Variants in EIF6 observed in about 807,000 individuals in gnomAD.
The protein encoded by EIF6 is B4 integrin interactor.
A neutral mutation model predicts 25.5 loss-of-function variants in EIF6; 10 were observed. The observed-to-expected ratio is 0.39, with a 90% CI of 0.24 to 0.66. The LOEUF (loss-of-function observed/expected upper bound fraction) is 0.66. Ranked by LOEUF, EIF6 falls within the 30% of genes least tolerant of loss-of-function variation. The probability of loss-of-function intolerance (pLI) is 0.45; values close to 1 mark genes in which losing one functional copy is unlikely to be tolerated. For synonymous variants in EIF6, 122 were observed against 122.6 expected (o/e 1.00, Z 0.03); for missense variants, 246 against 315.4 (o/e 0.78, Z 1.67).
chr20:35,284,056 G>A lies in EIF6; in HGVS notation c.193+120C>T, dbSNP rs556564570. ...GACGCTTGGCCTGAGAGATTCTATA[G>A]TGCCCAGAGATAACAGATGATACCC... On this transcript the variant is annotated intron_variant, in intron 3 of 6. Coordinates refer to ENST00000374450, the MANE Select transcript of EIF6 (RefSeq NM_002212.4). 3.9e-3 allele frequency: 4,945 copies of A among 1,280,166 alleles called. 14 individuals carry two copies. The highest frequency in any genetic ancestry group is 4.9e-3 in the Non-Finnish European group (4,593 of 937,142). 79.3% of individuals were successfully genotyped at this position (1,280,166 alleles called of 1,614,324 possible).
At chr20:35,281,147 G>A (rs1462242766) in intron 3 of EIF6, among the ~76,000 whole-genome samples, 1 of 152,184 alleles carries the variant, frequency 6.6e-6, no homozygotes, top group African/African-American at 2.4e-5. Context: ...TTGGGAGGCT[G>A]AGGTGGGCAG....
intron 3 of EIF6, among the ~76,000 whole-genome samples, chr20:35,283,151 G>A (rs954038018): frequency 8.5e-5 from 13 of 152,060 alleles, no homozygotes; most frequent in Admixed American, 2.6e-4. Flanking sequence ...AAAATTAGCC[G>A]GGTGTGGCGG....
In EIF6 at chr20:35,284,240, G is replaced by T. The variant is rs770214633; in HGVS notation, c.129C>A (p.Ser43=). The T allele has an allele frequency of 6.2e-7, 1 of 1,612,252 alleles. No homozygotes were observed. Among genetic ancestry groups the T allele is most frequent in the Admixed American group, 1.7e-5 (1 of 59,992 alleles). ...ACGCGTGCACCACGGGGATGGTATC[G>T]GAGAGCTCGCCCTCGAACACACTGT... The part of the protein sequence containing the change: ...NFYSVFEGEL[S]DTIPVVHASI... The change falls in exon 3 of 7, where the codon TCC becomes TCA. Residue 43 remains serine (S), a synonymous_variant. Transcript: ENST00000374450.
rs1339030981 is a variant in EIF6 at position 35,284,504 on chromosome 20, G to A, written c.-5-12C>T. 11 of 1,586,508 alleles carry A rather than the reference G, an allele frequency of 6.9e-6. No individual in the cohort carries two copies. The highest frequency in any genetic ancestry group is 5.6e-5 in the South Asian group (5 of 89,292). ...GACCGCCATGAGGCCTAGGGGCGGCGGAGGCGGGAGTTCAAGGCCGGCGGA... is the reference window on the plus strand; with the variant it reads ...GACCGCCATGAGGCCTAGGGGCGGCAGAGGCGGGAGTTCAAGGCCGGCGGA... On this transcript the variant is annotated splice_polypyrimidine_tract_variant and intron_variant, in intron 1 of 6. Transcript: ENST00000374450.
chr20:35,283,671 G>A (rs1361056741), intron 3 of EIF6, among the ~76,000 whole-genome samples: 1 of 152,042 alleles, frequency 6.6e-6, no homozygotes, highest in African/African-American at 2.4e-5. Context: ...GTGGTGGCAC[G>A]TGCCTGTGGC....
chr20:35,283,757 G>C (rs928535569), intron 3 of EIF6, among the ~76,000 whole-genome samples: 19 of 150,508 alleles, frequency 1.3e-4, no homozygotes, highest in African/African-American at 4.2e-4. Context: ...CTGTGATCTT[G>C]CCACTGCACT....
At chr20:35,283,340 C>T (rs1032654762) in intron 3 of EIF6, among the ~76,000 whole-genome samples, 8 of 152,034 alleles carry the variant, frequency 5.3e-5, no homozygotes, top group Non-Finnish European at 1.5e-5. Flanking sequence ...CCAGAATTAA[C>T]AGTGCTGACA....
chr20:35,284,090 C>G (rs533563451), intron 3 of EIF6, 86 bp downstream of exon 3: 1 of 1,475,292 alleles, frequency 6.8e-7, no homozygotes, highest in Admixed American at 2.1e-5. Context: ...CCTGGGAATC[C>G]CTAGGTCACT....
At position 35,279,034 on chromosome 20, in the gene EIF6, C is replaced by T. The variant is rs2060745113; in HGVS notation, c.*163G>A. ...GCAGGTTTTTGCAGTAATGATAGAT[C>T]CAGGCGATAAGCACAGGTGGAAAAG... On this transcript the variant is annotated 3_prime_UTR_variant, in exon 7 of 7. Coordinates refer to ENST00000374450, the MANE Select transcript of EIF6 (RefSeq NM_002212.4). 1 of 859,878 alleles carries T rather than the reference C, an allele frequency of 1.2e-6. No individual in the cohort carries two copies. The highest frequency in any genetic ancestry group is 2.7e-5 in the East Asian group (1 of 37,532). 53.3% of individuals were successfully genotyped at this position (859,878 alleles called of 1,614,324 possible).
rs1050685471 is a variant in EIF6, at chr20:35,284,118, G to A, written c.193+58C>T. 11 of 1,526,298 alleles carry A rather than the reference G, an allele frequency of 7.2e-6. No individual in the cohort carries two copies. In the African/African-American group the frequency reaches 1.1e-4, roughly 15 times the overall value. 94.5% of individuals were successfully genotyped at this position (1,526,298 alleles called of 1,614,324 possible). ...AGGTCACTCCGGGTTCCCTCCGGGG[G>A]TGTAATTAATGGTGCTTGGAGACCA... On this transcript the variant is annotated intron_variant, in intron 3 of 6. Transcript: ENST00000374450.
chr20:35,279,533 C>T (rs2060751607), intron 6 of EIF6, 33 bp downstream of exon 6: 2 of 1,610,222 alleles, frequency 1.2e-6, no homozygotes, highest in South Asian at 1.1e-5. Flanking sequence ...TAACCCCCAA[C>T]CCTGAGCAGA....
Position 35,283,518 on chromosome 20 carries a change from G to A in EIF6, c.193+658C>T, listed in dbSNP as rs185539990. Reference sequence around the variant, plus strand: ...AGGGAGAGATGAGATACAAATCCTCGGCTGGGTATAGTGGCTCTCGCCTAT... The same window carrying A: ...AGGGAGAGATGAGATACAAATCCTCAGCTGGGTATAGTGGCTCTCGCCTAT... On this transcript the variant is annotated intron_variant, in intron 3 of 6. Transcript: ENST00000374450. Among the ~76,000 whole-genome samples the A allele has an allele frequency of 2.2e-4, 34 of 152,292 alleles. No individual in the cohort carries two copies. In the East Asian group the frequency reaches 5.8e-3, roughly 26 times the overall value.
chr20:35,284,755 G>T lies in EIF6; in HGVS notation c.-35C>A, dbSNP rs574115441. On this transcript the variant is annotated 5_prime_UTR_variant, in exon 1 of 7. Transcript: ENST00000374450. ...TAACCAGTAACAAGCTCCGCACGCG[G>T]CGACTGTACCTTGGACTCCCTAAAA... 5.7e-6 allele frequency: 3 copies of T among 526,126 alleles called. No individual in the cohort carries two copies. The highest frequency in any genetic ancestry group is 5.7e-5 in the African/African-American group (3 of 52,778). The allele number at this position is 526,126 out of a possible 1,614,324, so 32.6% of individuals were successfully genotyped here. A position where few individuals can be genotyped will look rare whatever the true frequency, so the allele number is the denominator to read the frequency against.
chr20:35,281,023 T>C (rs1243805234), intron 3 of EIF6, among the ~76,000 whole-genome samples, 194 bp from the exon 4 acceptor site: 2 of 152,158 alleles, frequency 1.3e-5, no homozygotes, highest in Admixed American at 6.5e-5. Flanking sequence ...AAATCCTGCC[T>C]ACTTCACCAT....
Position 35,284,392 on chromosome 20 carries a change from C to T in EIF6, c.96G>A (p.Glu32=), listed in dbSNP as rs780558666. 31 of 1,613,854 alleles carry T rather than the reference C, an allele frequency of 1.9e-5. No homozygotes were observed. The highest frequency in any genetic ancestry group is 3.3e-4 in the Middle Eastern group (2 of 6,082). The stretch of plus-strand genomic sequence containing the variant: ...GGCTCCCGCCGCACCTGTAGAAGTT[C>T]TCTGAGCCTCCGATCGCTACCAGAC... ...TYCLVAIGGS[E]NFYSVFEGEL... is the part of the protein sequence containing the mutation. The change falls in exon 2 of 7, where the codon GAG becomes GAA. Residue 32 remains glutamate, a synonymous_variant. Coordinates refer to ENST00000374450, the MANE Select transcript of EIF6 (RefSeq NM_002212.4).
rs540369020 is a variant in EIF6 at position 35,283,284 on chromosome 20, T to C, written c.193+892A>G. ...CTGGGCAACAAGAGCGAAAACTCCATCTCAAAAAAAAATAATAATAATAAT... is the reference window on the plus strand; with the variant it reads ...CTGGGCAACAAGAGCGAAAACTCCACCTCAAAAAAAAATAATAATAATAAT... On this transcript the variant is annotated intron_variant, in intron 3 of 6. Transcript: ENST00000374450. Among the ~76,000 whole-genome samples the C allele has an allele frequency of 1.3e-4, 18 of 139,668 alleles. 1 individual carries two copies. In the East Asian group the frequency reaches 3.8e-3, roughly 30 times the overall value. The allele number at this position is 139,668 out of a possible 152,430, so 91.6% of individuals were successfully genotyped here.
At chr20:35,279,806 A>G (rs2060756692) in intron 5 of EIF6, 59 bp from the exon 6 acceptor site, 1 of 1,605,114 alleles carries the variant, frequency 6.2e-7, no homozygotes, top group African/African-American at 1.3e-5. Context: ...TCCTCAATGA[A>G]GACTCTCCCC....
In EIF6 at chr20:35,284,238, T is replaced by C; in HGVS notation, c.131A>G (p.Asp44Gly). Residue 44 changes from aspartate (D) to glycine (G), a missense_variant, in exon 3 of 7, where the codon GAT becomes GGT. Coordinates refer to ENST00000374450, the MANE Select transcript of EIF6 (RefSeq NM_002212.4). ...FYSVFEGELS[D>G]TIPVVHASIA... is the part of the protein sequence containing the mutation. ...AGACGCGTGCACCACGGGGATGGTA[T>C]CGGAGAGCTCGCCCTCGAACACACT... 3.7e-6 allele frequency: 6 copies of C among 1,612,104 alleles called. No individual in the cohort carries two copies. The highest frequency in any genetic ancestry group is 2.2e-5 in the East Asian group (1 of 44,836).
chr20:35,283,455 A>G (rs1371733527), intron 3 of EIF6, among the ~76,000 whole-genome samples: 1 of 152,244 alleles, frequency 6.6e-6, no homozygotes, highest in African/African-American at 2.4e-5. Context: ...ACAGAAATGG[A>G]TGCTTAGAAA....
Sources: gnomAD v4.1 joint callset for allele counts (sites outside exome capture counted in the v4.1 genomes callset) on GRCh38, gnomAD v4.1.1 for gene constraint, MANE v1.5 for transcripts, NCBI Gene and HGNC (gene_info 2026-07-23, HGNC 2026-07-21) for gene names.